Variants in JAK1 observed in about 807,000 individuals in gnomAD.
The protein encoded by JAK1 is Janus kinase 1.
A neutral mutation model predicts 136.6 loss-of-function variants in JAK1; 16 were observed. The ratio of observed to expected loss-of-function variants is 0.12; its 90% confidence interval spans 0.08 to 0.18. The LOEUF (loss-of-function observed/expected upper bound fraction) is 0.18, where lower values mean the gene tolerates loss of function less well. Among genes scored for constraint, JAK1 ranks in the 10% least tolerant of loss-of-function variants. The pLI is 1.00. For missense variants in JAK1, 859 were observed against 1,450.1 expected (o/e 0.59, Z 6.62); for synonymous variants, 492 against 519.5 (o/e 0.95, Z 0.72).
intron 1 of JAK1, among the ~76,000 whole-genome samples, chr1:65,065,285 C>A (rs1471623444): frequency 2.0e-5 from 3 of 152,172 alleles, no homozygotes; most frequent in Admixed American, 6.5e-5. Flanking sequence ...TACTTTTGAT[C>A]TTTTCCCCCC....
intron 1 of JAK1, among the ~76,000 whole-genome samples, chr1:64,887,247 C>T (rs3806277): frequency 0.04 from 6,138 of 152,208 alleles, 400 homozygotes; most frequent in East Asian, 0.28. Flanking sequence ...ATGGAAAGCC[C>T]GGCAGGGGAG....
At chr1:64,883,159 T>C in intron 3 of JAK1, 118 bp downstream of exon 3, 1 of 775,030 alleles carries the variant, frequency 1.3e-6, no homozygotes, top group Non-Finnish European at 2.0e-6. Flanking sequence ...GGGAGGAACC[T>C]GACTCCAGAG....
intron 8 of JAK1, among the ~76,000 whole-genome samples, chr1:64,861,585 G>A (rs1187924513): frequency 6.6e-6 from 1 of 152,104 alleles, no homozygotes; most frequent in Non-Finnish European, 1.5e-5. Context: ...AGCATCTGAG[G>A]CTTCAAAAAA....
chr1:64,925,879 T>C (rs1443691537), intron 1 of JAK1, among the ~76,000 whole-genome samples: 6 of 152,170 alleles, frequency 3.9e-5, no homozygotes, highest in Non-Finnish European at 5.9e-5. Context: ...TGCCAGTTAT[T>C]TGCAATCACC....
chr1:64,936,496 T>C (rs2100486560), intron 1 of JAK1, among the ~76,000 whole-genome samples: 2 of 152,334 alleles, frequency 1.3e-5, no homozygotes, highest in South Asian at 4.1e-4. Flanking sequence ...AATCCAGTTA[T>C]TTCTCCCATG....
intron 1 of JAK1, among the ~76,000 whole-genome samples, chr1:64,956,796 C>T (rs1264437189): frequency 6.6e-6 from 1 of 152,192 alleles, no homozygotes; most frequent in Non-Finnish European, 1.5e-5. Context: ...AGTGGGTCAT[C>T]TGCACAGTTT....
At chr1:64,897,247 T>C (rs966542305) in intron 1 of JAK1, among the ~76,000 whole-genome samples, 2 of 151,206 alleles carry the variant, frequency 1.3e-5, no homozygotes, top group Non-Finnish European at 2.9e-5. Context: ...CTGGCCAACA[T>C]GGTGAAACCC....
intron 2 of JAK1, among the ~76,000 whole-genome samples, chr1:64,981,230 G>C (rs1203566948): frequency 6.6e-6 from 1 of 152,084 alleles, no homozygotes; most frequent in Non-Finnish European, 1.5e-5. Flanking sequence ...AGGGTTTTTT[G>C]GACCTTTCTA....
chr1:65,060,302 A>G (rs1044795542), intron 1 of JAK1, among the ~76,000 whole-genome samples: 1 of 152,196 alleles, frequency 6.6e-6, no homozygotes, highest in Non-Finnish European at 1.5e-5. Flanking sequence ...ATCAACTAAT[A>G]TTTCTTGACC....
intron 2 of JAK1, among the ~76,000 whole-genome samples, chr1:64,883,854 T>C (rs1291743411): frequency 6.6e-6 from 1 of 152,180 alleles, no homozygotes; most frequent in Non-Finnish European, 1.5e-5. Flanking sequence ...GACTGATTAT[T>C]AGTTACAAAT....
intron 2 of JAK1, chr1:64,990,662 C>T (rs1646647107): frequency 6.6e-6 from 1 of 152,038 alleles, no homozygotes; most frequent in Admixed American, 6.6e-5. Context: ...TCGCTCACGC[C>T]TGTAATCCCA....
chr1:64,917,714 C>T (rs562920747), intron 1 of JAK1, among the ~76,000 whole-genome samples: 2 of 152,142 alleles, frequency 1.3e-5, no homozygotes, highest in East Asian at 1.9e-4. Context: ...TATTTCACCC[C>T]GCAGAAGTAT....
chr1:64,985,941 G>A (rs1272230391), intron 2 of JAK1: 3 of 923,386 alleles, frequency 3.2e-6, no homozygotes, highest in African/African-American at 3.3e-5. Context: ...AGAGGGAGGG[G>A]TATTTGCCTT....
At chr1:64,856,900 C>T (rs1655974754) in intron 10 of JAK1, among the ~76,000 whole-genome samples, 1 of 152,184 alleles carries the variant, frequency 6.6e-6, no homozygotes, top group Non-Finnish European at 1.5e-5. Flanking sequence ...CCCTCCGTGT[C>T]CCAGGTCTCC....
chr1:64,914,039 A>T (rs888906282), intron 1 of JAK1, among the ~76,000 whole-genome samples: 1 of 152,184 alleles, frequency 6.6e-6, no homozygotes, highest in African/African-American at 2.4e-5. Context: ...CCTCTAGACC[A>T]TGCTGAGTAG....
chr1:64,938,210 T>TA (rs1645825547), intron 1 of JAK1, among the ~76,000 whole-genome samples: 6 of 151,762 alleles, frequency 4.0e-5, no homozygotes, highest in African/African-American at 7.3e-5. Flanking sequence ...AAAGTTTTTT[T>TA]TAAAAAAAAG....
chr1:64,915,642 A>G (rs1645382389), intron 1 of JAK1, among the ~76,000 whole-genome samples: 1 of 152,244 alleles, frequency 6.6e-6, no homozygotes, highest in Admixed American at 6.5e-5. Flanking sequence ...TGTGGCTACC[A>G]GGCATTTAAA....
chr1:64,887,342 G>GT (rs1004717119), intron 1 of JAK1, among the ~76,000 whole-genome samples: 3 of 152,172 alleles, frequency 2.0e-5, no homozygotes, highest in Non-Finnish European at 4.4e-5. Context: ...CTGCACAAAA[G>GT]TTTTTTAAAA....
intron 2 of JAK1, 95 bp from the exon 3 acceptor site, chr1:64,883,570 A>G: frequency 2.8e-6 from 3 of 1,069,698 alleles, no homozygotes; most frequent in Middle Eastern, 2.1e-4. Context: ...AAGCAGAAAC[A>G]TTTGGTGTTG....
Sources: gnomAD v4.1 joint callset for allele counts (sites outside exome capture counted in the v4.1 genomes callset) on GRCh38, gnomAD v4.1.1 for gene constraint, MANE v1.5 for transcripts, NCBI Gene and HGNC (gene_info 2026-07-23, HGNC 2026-07-21) for gene names.